The following SNTG1 variants were observed in gnomAD, a reference collection of about 807,000 sequenced individuals.
SNTG1 encodes the protein gamma-1-syntrophin.
Under a neutral mutation model 74.7 loss-of-function variants are expected in SNTG1, and 39 were observed. That is an observed-to-expected ratio of 0.52 (90% confidence interval 0.40 to 0.68). The LOEUF (loss-of-function observed/expected upper bound fraction) is 0.68, where lower values mean the gene tolerates loss of function less well. SNTG1 is among the 30% of genes least tolerant of loss of function. SNTG1 has a pLI of 0.00. For synonymous variants in SNTG1, 254 were observed against 217.1 expected (o/e 1.17, Z -1.49); for missense variants, 685 against 609.5 (o/e 1.12, Z -1.30).
chr8:50,788,165 T>A (rs1294864190), intron 18 of SNTG1, among the ~76,000 whole-genome samples: 1 of 152,008 alleles, frequency 6.6e-6, no homozygotes, highest in Non-Finnish European at 1.5e-5. Context: ...TTTTCTCTAA[T>A]GACTGCAAGG....
intron 1 of SNTG1, among the ~76,000 whole-genome samples, chr8:49,977,030 C>G (rs1812257975): frequency 6.6e-6 from 1 of 152,018 alleles, no homozygotes; most frequent in Admixed American, 6.6e-5. Context: ...GACTTTGATT[C>G]CATGTTTTAA....
chr8:50,649,349 AT>A (rs1401486972), intron 13 of SNTG1, among the ~76,000 whole-genome samples: 1 of 152,146 alleles, frequency 6.6e-6, no homozygotes, highest in Non-Finnish European at 1.5e-5. Flanking sequence ...AATACAAAAA[AT>A]TAGCCGGACG....
At chr8:50,767,229 G>C (rs575472924) in intron 18 of SNTG1, among the ~76,000 whole-genome samples, 1 of 151,972 alleles carries the variant, frequency 6.6e-6, no homozygotes, top group Non-Finnish European at 1.5e-5. Context: ...CAAGAAATAT[G>C]GTTTCTTTGG....
At chr8:50,306,039 AC>A (rs1477593698) in intron 2 of SNTG1, among the ~76,000 whole-genome samples, 4 of 145,706 alleles carry the variant, frequency 2.7e-5, no homozygotes, top group South Asian at 2.2e-4. Flanking sequence ...TTTTATCCCT[AC>A]CCCCCTCCCA....
intron 13 of SNTG1, among the ~76,000 whole-genome samples, chr8:50,600,628 A>G (rs2094765836): frequency 6.6e-6 from 1 of 152,064 alleles, no homozygotes; most frequent in Non-Finnish European, 1.5e-5. Context: ...TTTATGTGGT[A>G]TCAGTTGTAA....
intron 1 of SNTG1, among the ~76,000 whole-genome samples, chr8:49,993,947 G>A (rs1474977961): frequency 1.3e-5 from 2 of 152,118 alleles, no homozygotes. Flanking sequence ...TCTTAAGCAT[G>A]TAAACATATG....
intron 13 of SNTG1, among the ~76,000 whole-genome samples, chr8:50,640,172 A>G (rs963050888): frequency 1.3e-5 from 2 of 152,176 alleles, no homozygotes; most frequent in African/African-American, 4.8e-5. Flanking sequence ...AGACGGAAGT[A>G]TGACTTCCTT....
chr8:49,966,221 C>T (rs1811122708), intron 1 of SNTG1, among the ~76,000 whole-genome samples: 1 of 151,968 alleles, frequency 6.6e-6, no homozygotes, highest in Non-Finnish European at 1.5e-5. Flanking sequence ...TCTTTCAAGC[C>T]TCAGTTTCTG....
intron 2 of SNTG1, among the ~76,000 whole-genome samples, chr8:50,279,715 T>C (rs900418148): frequency 6.6e-6 from 1 of 152,148 alleles, no homozygotes; most frequent in Non-Finnish European, 1.5e-5. Flanking sequence ...GATAAATTAC[T>C]ATATTGCCAG....
chr8:50,641,177 C>T (rs1214588245), intron 13 of SNTG1, among the ~76,000 whole-genome samples: 1 of 152,190 alleles, frequency 6.6e-6, no homozygotes, highest in Non-Finnish European at 1.5e-5. Context: ...ACCTGAAGTA[C>T]ACGCCTAAAG....
At chr8:50,760,921 C>A (rs925027719) in intron 18 of SNTG1, among the ~76,000 whole-genome samples, 16 of 151,974 alleles carry the variant, frequency 1.1e-4, no homozygotes, top group Non-Finnish European at 2.1e-4. Context: ...CAGACGGATT[C>A]ACAGCCGAAT....
chr8:50,347,636 G>T (rs1198138138), intron 2 of SNTG1, among the ~76,000 whole-genome samples: 2 of 152,162 alleles, frequency 1.3e-5, no homozygotes, highest in Non-Finnish European at 2.9e-5. Context: ...AAAGTAAGTT[G>T]AAAACCTTCT....
chr8:50,681,292 T>C (rs2131389667), intron 15 of SNTG1, among the ~76,000 whole-genome samples: 1 of 152,260 alleles, frequency 6.6e-6, no homozygotes, highest in South Asian at 2.1e-4. Flanking sequence ...GATATAGTTT[T>C]TTTTTAAATG....
At chr8:50,067,563 TC>T (rs1240527519) in intron 1 of SNTG1, among the ~76,000 whole-genome samples, 2 of 152,222 alleles carry the variant, frequency 1.3e-5, no homozygotes, top group African/African-American at 4.8e-5. Flanking sequence ...TTTTTAGTCT[TC>T]CCTTTGACAA....
chr8:50,639,878 G>A (rs1219714232), intron 13 of SNTG1, among the ~76,000 whole-genome samples: 1 of 151,942 alleles, frequency 6.6e-6, no homozygotes, highest in East Asian at 1.9e-4. Context: ...TCTGTAATCA[G>A]TATTTATTAA....
chr8:50,750,735 T>A (rs1268105477), intron 17 of SNTG1, among the ~76,000 whole-genome samples: 1 of 151,954 alleles, frequency 6.6e-6, no homozygotes, highest in Non-Finnish European at 1.5e-5. Flanking sequence ...GTATATACAT[T>A]TTTTTAGGCT....
intron 1 of SNTG1, among the ~76,000 whole-genome samples, chr8:50,112,721 CCAT>C (rs1167909692): frequency 6.6e-6 from 1 of 151,754 alleles, no homozygotes; most frequent in Non-Finnish European, 1.5e-5. Flanking sequence ...TGGGGTTTCG[CCAT>C]GTTGGCCAGG....
At chr8:50,653,944 C>A (rs888485964) in intron 13 of SNTG1, among the ~76,000 whole-genome samples, 4 of 152,108 alleles carry the variant, frequency 2.6e-5, no homozygotes, top group Non-Finnish European at 5.9e-5. Context: ...AAATCGTCTG[C>A]CTTCTATTAA....
intron 17 of SNTG1, among the ~76,000 whole-genome samples, chr8:50,733,970 A>G (rs2095519297): frequency 6.6e-6 from 1 of 151,868 alleles, no homozygotes; most frequent in South Asian, 2.1e-4. Flanking sequence ...ATTCACTTAT[A>G]TAATTCTATG....
Sources: gnomAD v4.1 joint callset for allele counts (sites outside exome capture counted in the v4.1 genomes callset) on GRCh38, gnomAD v4.1.1 for gene constraint, MANE v1.5 for transcripts, NCBI Gene and HGNC (gene_info 2026-07-23, HGNC 2026-07-21) for gene names.